The following MAML3 variants were observed in gnomAD, a reference collection of about 807,000 sequenced individuals.
MAML3 encodes mastermind-like protein 3.
In MAML3, 27 loss-of-function variants were observed where a neutral mutation model predicts 101.9. The observed-to-expected ratio is 0.27, with a 90% confidence interval of 0.20 to 0.37. The LOEUF (loss-of-function observed/expected upper bound fraction) is 0.37, where lower values mean the gene tolerates loss of function less well. Among genes scored for constraint, MAML3 ranks in the 10% least tolerant of loss-of-function variants. The probability of loss-of-function intolerance (pLI) is 1.00; values close to 1 mark genes in which losing one functional copy is unlikely to be tolerated. For synonymous variants in MAML3, 501 were observed against 555.9 expected, an observed-to-expected ratio of 0.90 and a Z score of 1.39; for missense variants, 1,316 against 1,444.9, an observed-to-expected ratio of 0.91 and a Z score of 1.45.
chr4:140,063,481 C>CA (rs1434088324), intron 1 of MAML3, among the ~76,000 whole-genome samples: 2 of 152,182 alleles, frequency 1.3e-5, no homozygotes, highest in Non-Finnish European at 2.9e-5. Context: ...GTCCTCCTCC[C>CA]ACACACTCAC....
intron 2 of MAML3, among the ~76,000 whole-genome samples, chr4:139,732,467 T>A (rs1728763350): frequency 6.6e-6 from 1 of 152,074 alleles, no homozygotes; most frequent in Non-Finnish European, 1.5e-5. Flanking sequence ...AAAACGCTAC[T>A]CCTCTTACCC....
chr4:139,742,541 C>G (rs939021175), intron 2 of MAML3, among the ~76,000 whole-genome samples: 1 of 152,186 alleles, frequency 6.6e-6, no homozygotes, highest in Non-Finnish European at 1.5e-5. Context: ...AAGGTTTGCT[C>G]TTAGTATCGT....
At chr4:140,035,782 CA>C (rs377078289) in intron 1 of MAML3, among the ~76,000 whole-genome samples, 62,027 of 124,480 alleles carry the variant, frequency 0.5, 13,355 homozygotes, top group Middle Eastern at 0.56. Flanking sequence ...GACTCCGTCT[CA>C]AAAAAAAAAA....
At chr4:139,891,426 C>T (rs948895848) in intron 1 of MAML3, among the ~76,000 whole-genome samples, 5 of 152,060 alleles carry the variant, frequency 3.3e-5, no homozygotes, top group African/African-American at 4.8e-5. Context: ...TACAGGCACG[C>T]GTCACCATGC....
At position 139,815,822 on chromosome 4, in the gene MAML3, G is replaced by A. The variant is rs147969685; in HGVS notation, c.2079+73535C>T. 4.5e-3 allele frequency among the ~76,000 whole-genome samples: 692 copies of A among 152,230 alleles called. 5 individuals are homozygous for A. The highest frequency in any genetic ancestry group is 0.016 in the African/African-American group (662 of 41,528). ...AAATCAGATCCTGGCTCCCTGCCTTGCCTACAATTCATCTTAGACCTCAGG... is the reference window on the plus strand; with the variant it reads ...AAATCAGATCCTGGCTCCCTGCCTTACCTACAATTCATCTTAGACCTCAGG... On this transcript the variant is annotated intron_variant, in intron 2 of 4. Coordinates refer to ENST00000509479, the MANE Select transcript of MAML3 (RefSeq NM_018717.5).
chr4:139,920,656 C>T (rs1733115009), intron 1 of MAML3, among the ~76,000 whole-genome samples: 1 of 152,184 alleles, frequency 6.6e-6, no homozygotes, highest in Non-Finnish European at 1.5e-5. Flanking sequence ...TAATGGAGGG[C>T]ACACAGTTGT....
At chr4:139,724,153 A>T (rs544038626) in intron 4 of MAML3, among the ~76,000 whole-genome samples, 1 of 152,316 alleles carries the variant, frequency 6.6e-6, no homozygotes, top group African/African-American at 2.4e-5. Flanking sequence ...CCCTGTGTCA[A>T]GGCCAAAGGA....
chr4:140,081,129 T>C (rs1003971604), intron 1 of MAML3, among the ~76,000 whole-genome samples: 18 of 152,226 alleles, frequency 1.2e-4, no homozygotes, highest in African/African-American at 4.3e-4. Context: ...AACATCACTT[T>C]TTATCTGCTA....
chr4:139,930,634 C>T (rs746329945), intron 1 of MAML3, among the ~76,000 whole-genome samples: 1 of 152,178 alleles, frequency 6.6e-6, no homozygotes, highest in Non-Finnish European at 1.5e-5. Context: ...TAATCATCTT[C>T]TACCCACATG....
At position 139,735,151 on chromosome 4, in the gene MAML3, A is replaced by G. The variant is rs1728884345; in HGVS notation, c.2080-4484T>C. ...TCAAGTGTTACTGCGTACAGCAGGT[A>G]GCCTGGCAACTGAGAGCACAATACC... is the stretch of plus-strand genomic sequence containing the variant. On this transcript the variant is annotated intron_variant, in intron 2 of 4. Coordinates refer to ENST00000509479, the MANE Select transcript of MAML3 (RefSeq NM_018717.5). The surrounding 1 kb of genome is among the most constrained non-coding windows in gnomAD (Gnocchi z 5.8). Among the ~76,000 whole-genome samples the G allele has an allele frequency of 6.6e-6, 1 of 152,246 alleles. No individual in the cohort carries two copies. Among genetic ancestry groups the G allele is most frequent in the African/African-American group, 2.4e-5 (1 of 41,474 alleles).
At chr4:140,149,007 CTG>C (rs979536303) in intron 1 of MAML3, among the ~76,000 whole-genome samples, 5 of 152,184 alleles carry the variant, frequency 3.3e-5, no homozygotes, top group African/African-American at 9.7e-5. Flanking sequence ...ATTTTGAAAA[CTG>C]TGCACTGTCA....
In MAML3 at chr4:139,760,161, C is replaced by T. The variant is rs563036413; in HGVS notation, c.2080-29494G>A. Among the ~76,000 whole-genome samples, 14 of 152,302 alleles carry T rather than the reference C, an allele frequency of 9.2e-5. No individual in the cohort carries two copies. In the East Asian group the frequency reaches 9.6e-4, roughly 10 times the overall value. ...TGTCAATCTAGAAAGAGTTCTCTAACGGGGAGTGATAAGGCACTGTCACTG... is the reference window on the plus strand; with the variant it reads ...TGTCAATCTAGAAAGAGTTCTCTAATGGGGAGTGATAAGGCACTGTCACTG... On this transcript the variant is annotated intron_variant, in intron 2 of 4. Transcript: ENST00000509479.
intron 2 of MAML3, among the ~76,000 whole-genome samples, chr4:139,737,156 G>A (rs1038660819): frequency 2.0e-5 from 3 of 152,068 alleles, no homozygotes; most frequent in Non-Finnish European, 4.4e-5. Flanking sequence ...CAAGTCCCTC[G>A]TGTAATAAGG....
At chr4:139,772,270 T>C (rs957529645) in intron 2 of MAML3, among the ~76,000 whole-genome samples, 1 of 121,722 alleles carries the variant, frequency 8.2e-6, no homozygotes, top group Non-Finnish European at 1.7e-5. Flanking sequence ...AAAAAAAAGG[T>C]AAAAGGACCT....
rs1410420557 is a variant in MAML3, at chr4:140,152,937, T to C, written c.391A>G (p.Lys131Glu). Residue 131 changes from lysine (K) to glutamate (E), a missense_variant, in exon 1 of 5, where the codon AAA (lysine) becomes GAA (glutamate). By Grantham distance (56) the Lys-to-Glu change is moderately conservative. Coordinates refer to ENST00000509479, the MANE Select transcript of MAML3 (RefSeq NM_018717.5). ...TGGGGTTTGCTCGGGTGCTGCTGTT[T>C]GCCGGTGCCGGCGCCCGATTTCTTG... ...RAKKSGAGTG[K>E]QQHPSKPQQD... The C allele has an allele frequency of 6.2e-7, 1 of 1,612,688 alleles. No homozygotes were observed. The highest frequency in any genetic ancestry group is 8.5e-7 in the Non-Finnish European group (1 of 1,179,600).
In MAML3 at chr4:139,883,861, G is replaced by GTT. The variant is rs113715582; in HGVS notation, c.2079+5494_2079+5495dup. ...AAAAAAGGGGTTCCAGGTTCTTAAAGTTTTTTTTTTTTTAAATAATTGCTT... is the reference window on the plus strand; with the variant it reads ...AAAAAAGGGGTTCCAGGTTCTTAAAGTTTTTTTTTTTTTTTAAATAATTGCTT... On this transcript the variant is annotated intron_variant, in intron 2 of 4. Coordinates refer to ENST00000509479, the MANE Select transcript of MAML3 (RefSeq NM_018717.5). Among the ~76,000 whole-genome samples, 151 of 123,768 alleles carry GTT rather than the reference G, an allele frequency of 1.2e-3. 1 individual carries two copies. The highest frequency in any genetic ancestry group is 1.7e-3 in the Admixed American group (20 of 11,926). 81.2% of individuals were successfully genotyped at this position (123,768 alleles called of 152,430 possible).
intron 1 of MAML3, among the ~76,000 whole-genome samples, chr4:140,027,549 G>A (rs928492380): frequency 2.0e-5 from 3 of 152,174 alleles, no homozygotes; most frequent in African/African-American, 7.2e-5. Flanking sequence ...TTCCCTTCAA[G>A]TTGCCCTCTG....
intron 1 of MAML3, among the ~76,000 whole-genome samples, chr4:139,908,717 C>T (rs1235588867): frequency 6.6e-6 from 1 of 152,162 alleles, no homozygotes; most frequent in Non-Finnish European, 1.5e-5. Context: ...GCTGTTTGCC[C>T]AAATTAGTTT....
At chr4:139,900,711 C>A (rs959186463) in intron 1 of MAML3, among the ~76,000 whole-genome samples, 3 of 152,182 alleles carry the variant, frequency 2.0e-5, no homozygotes, top group African/African-American at 7.2e-5. Flanking sequence ...AATGCTAAGG[C>A]CATATGATTT....
Sources: gnomAD v4.1 joint callset for allele counts (sites outside exome capture counted in the v4.1 genomes callset) on GRCh38, gnomAD v4.1.1 for gene constraint, Gnocchi (gnomAD v3.1) non-coding constraint, MANE v1.5 for transcripts, NCBI Gene and HGNC (gene_info 2026-07-23, HGNC 2026-07-21) for gene names.